The following WIPF1 variants were observed in gnomAD, a reference collection of about 807,000 sequenced individuals.
WIPF1 encodes the protein WAS/WASL-interacting protein family member 1.
WIPF1 carries 13 observed loss-of-function variants against 35.4 expected under a neutral mutation model. That is an observed-to-expected ratio of 0.37 (90% CI 0.24 to 0.58). WIPF1 has a LOEUF of 0.58. Among genes scored for constraint, WIPF1 ranks in the 20% least tolerant of loss-of-function variants. The pLI is 0.74. For missense variants in WIPF1, 591 were observed against 667.0 expected (o/e 0.89, Z 1.25); for synonymous variants, 267 against 266.3 (o/e 1.00, Z -0.02).
Position 174,561,861 on chromosome 2 carries a change from ACT to A in WIPF1, c.*684_*685del. 3.6e-6 allele frequency: 2 copies of A among 553,796 alleles called. No individual in the cohort carries two copies. Among genetic ancestry groups the A allele is most frequent in the Non-Finnish European group, 6.2e-6 (2 of 323,324 alleles). 34.3% of individuals were successfully genotyped at this position (553,796 alleles called of 1,614,324 possible). A position where few individuals can be genotyped will look rare whatever the true frequency, so the allele number is the denominator to read the frequency against. On this transcript the variant is annotated 3_prime_UTR_variant, in exon 8 of 8. Transcript: ENST00000679041. The stretch of plus-strand genomic sequence containing the variant: ...GAGATGTGCGGTAAGTGTAAAATAC[ACT>A]CTGGATTTTGAAGATTCAGTACCAA...
chr2:174,640,876 A>T (rs1051115213), intron 1 of WIPF1, among the ~76,000 whole-genome samples: 2 of 152,218 alleles, frequency 1.3e-5, no homozygotes, highest in African/African-American at 4.8e-5. Context: ...CAAAATACCA[A>T]TGACATTCTT....
chr2:174,627,575 C>G (rs989210145), intron 1 of WIPF1, among the ~76,000 whole-genome samples: 1 of 143,460 alleles, frequency 7.0e-6, no homozygotes, highest in African/African-American at 2.6e-5. Context: ...CAGTCTTCCT[C>G]TGTTACCCAG....
intron 1 of WIPF1, among the ~76,000 whole-genome samples, chr2:174,595,044 G>A (rs1382211396): frequency 2.4e-5 from 3 of 124,230 alleles, no homozygotes; most frequent in Non-Finnish European, 4.7e-5. Context: ...GAGCCCAAGA[G>A]TTTGAGACCA....
At chr2:174,618,997 GAC>G (rs542190675) in intron 1 of WIPF1, among the ~76,000 whole-genome samples, 212 of 152,176 alleles carry the variant, frequency 1.4e-3, no homozygotes, top group African/African-American at 4.9e-3. Flanking sequence ...GTCTCACTGT[GAC>G]ACACAGGCTG....
intron 1 of WIPF1, among the ~76,000 whole-genome samples, chr2:174,613,292 C>T (rs1381122510): frequency 6.6e-6 from 1 of 152,170 alleles, no homozygotes; most frequent in African/African-American, 2.4e-5. Flanking sequence ...TCATTTTTAC[C>T]ATTTTCATTA....
intron 1 of WIPF1, among the ~76,000 whole-genome samples, chr2:174,608,862 A>C (rs1686255541): frequency 6.6e-6 from 1 of 152,252 alleles, no homozygotes; most frequent in South Asian, 2.1e-4. Flanking sequence ...ATGGCTACTC[A>C]GTATCACCTG....
Position 174,567,866 on chromosome 2 carries a change from C to G in WIPF1, c.1337G>C (p.Cys446Ser). Reference sequence around the variant, plus strand: ...GAGCTGGGACCACACCTCACCTTCACATGGAGAGTCTTGGAAGCCATTTCT... The same window carrying G: ...GAGCTGGGACCACACCTCACCTTCAGATGGAGAGTCTTGGAAGCCATTTCT... ...SIRNGFQDSP[C>S]EDEWESRFYF... The change falls in exon 6 of 8, where the codon TGT becomes TCT. Residue 446 changes from cysteine (C) to serine (S), a missense_variant. Physicochemically the swap from Cys to Ser is moderately radical, Grantham distance 112 (BLOSUM62 -1). This residue lies in a region of WIPF1 where 117 missense variants were observed against 149.6 expected (regional missense o/e 0.78). Transcript: ENST00000679041. 1.3e-6 allele frequency: 2 copies of G among 1,584,918 alleles called. No individual in the cohort carries two copies. Among genetic ancestry groups the G allele is most frequent in the African/African-American group, 2.7e-5 (2 of 74,464 alleles).
chr2:174,667,607 G>T (rs1416658102), intron 1 of WIPF1, among the ~76,000 whole-genome samples: 1 of 152,160 alleles, frequency 6.6e-6, no homozygotes, highest in East Asian at 1.9e-4. Flanking sequence ...CTGATCCCAG[G>T]AGCGGCAAAT....
intron 1 of WIPF1, among the ~76,000 whole-genome samples, chr2:174,665,875 C>T (rs745453414): frequency 2.0e-5 from 3 of 152,230 alleles, no homozygotes; most frequent in Non-Finnish European, 4.4e-5. Flanking sequence ...CACCGTCCCA[C>T]TTCATGTCTG....
chr2:174,675,629 C>G (rs1337231286), intron 1 of WIPF1, among the ~76,000 whole-genome samples: 3 of 152,180 alleles, frequency 2.0e-5, no homozygotes, highest in African/African-American at 7.2e-5. Flanking sequence ...GCTGGGATTA[C>G]AGGTGTGAGC....
chr2:174,586,469 C>T (rs761288851), intron 1 of WIPF1, among the ~76,000 whole-genome samples: 10 of 152,112 alleles, frequency 6.6e-5, no homozygotes, highest in East Asian at 1.9e-4. Flanking sequence ...GACCAGATTC[C>T]GTAGCTGGGT....
In WIPF1 at chr2:174,613,678, C is replaced by T. The variant is rs746660439; in HGVS notation, c.-38-28067G>A. 3.3e-5 allele frequency among the ~76,000 whole-genome samples: 5 copies of T among 152,250 alleles called. No individual in the cohort carries two copies. The East Asian group carries it at 5.8e-4, about 18-fold the overall frequency. ...AAGTGAGCAGAACTTCTCCCCAGTT[C>T]GTGCTACTTGGTAAAAGAGGAAACA... On this transcript the variant is annotated intron_variant, in intron 1 of 8. Transcript: ENST00000272746.
chr2:174,642,968 T>C (rs569643620), intron 1 of WIPF1, among the ~76,000 whole-genome samples: 3 of 149,782 alleles, frequency 2.0e-5, no homozygotes, highest in African/African-American at 7.7e-5. Context: ...TTTTGATGCA[T>C]TATATTCTCA....
At chr2:174,623,642 AT>A (rs1686742284) in intron 1 of WIPF1, 1 of 152,188 alleles carries the variant, frequency 6.6e-6, no homozygotes, top group African/African-American at 2.4e-5. Flanking sequence ...GAAATTTTGC[AT>A]TTCTTTGATT....
chr2:174,616,756 ACTG>A (rs1460307258), intron 1 of WIPF1, among the ~76,000 whole-genome samples: 7 of 152,228 alleles, frequency 4.6e-5, no homozygotes, highest in Non-Finnish European at 7.3e-5. Context: ...ACAGGTGGCA[ACTG>A]CTACCAAAAT....
intron 7 of WIPF1, among the ~76,000 whole-genome samples, chr2:174,565,871 G>T (rs181796405): frequency 1.3e-5 from 2 of 150,928 alleles, no homozygotes; most frequent in African/African-American, 2.4e-5. Flanking sequence ...TTTCTTCGTT[G>T]TATACATTTT....
chr2:174,595,760 A>C (rs574097693), intron 1 of WIPF1, among the ~76,000 whole-genome samples: 7 of 152,206 alleles, frequency 4.6e-5, no homozygotes, highest in Admixed American at 6.5e-5. Context: ...CATACTGATT[A>C]AGGCATTCCT....
chr2:174,595,109 A>AATATATATATATATAT (rs1158052520), intron 1 of WIPF1, among the ~76,000 whole-genome samples: 1 of 57,748 alleles, frequency 1.7e-5, no homozygotes, highest in Non-Finnish European at 2.8e-5. Context: ...AAAAAAAAAA[A>AATATATATATATATAT]ATATATATAT....
At chr2:174,614,503 C>T (rs1346261691) in intron 1 of WIPF1, among the ~76,000 whole-genome samples, 1 of 152,134 alleles carries the variant, frequency 6.6e-6, no homozygotes. Context: ...GATTTAACTA[C>T]GTAAGTGAGA....
Sources: gnomAD v4.1 joint callset for allele counts (sites outside exome capture counted in the v4.1 genomes callset) on GRCh38, gnomAD v4.1.1 for gene constraint, gnomAD v4.1.1 regional missense constraint, MANE v1.5 for transcripts, NCBI Gene and HGNC (gene_info 2026-07-23, HGNC 2026-07-21) for gene names.